Variants in PARD3B observed in about 807,000 individuals in gnomAD.
The protein encoded by PARD3B is partitioning defective 3 homolog B.
In PARD3B, 103 loss-of-function variants were observed where a neutral mutation model predicts 130.2. That is an observed-to-expected ratio of 0.79 (90% CI 0.67 to 0.93). PARD3B has a LOEUF of 0.93. PARD3B is among the 40% of genes least tolerant of loss of function. The pLI, the probability that PARD3B is intolerant of heterozygous loss-of-function variation, is 0.00. For missense variants in PARD3B, 1,609 were observed against 1,499.2 expected (o/e 1.07, Z -1.21); for synonymous variants, 583 against 553.2 (o/e 1.05, Z -0.76).
chr2:205,151,189 G>T (rs953172445), intron 10 of PARD3B, among the ~76,000 whole-genome samples: 1 of 152,138 alleles, frequency 6.6e-6, no homozygotes. Context: ...CAACTATGTG[G>T]TCAATTTTGG....
chr2:205,417,832 TCTGGAAG>T (rs2046832940), intron 19 of PARD3B, among the ~76,000 whole-genome samples: 1 of 152,320 alleles, frequency 6.6e-6, no homozygotes, highest in African/African-American at 2.4e-5. Context: ...TGGGGCCTCC[TCTGGAAG>T]CTGGCCTTCT....
At chr2:204,681,605 C>T (rs962632380) in intron 1 of PARD3B, among the ~76,000 whole-genome samples, 1 of 152,138 alleles carries the variant, frequency 6.6e-6, no homozygotes, top group African/African-American at 2.4e-5. Context: ...TTTCCTTTCA[C>T]GTGTCAGTGC....
chr2:204,886,163 A>G (rs1377182263), intron 2 of PARD3B, among the ~76,000 whole-genome samples: 1 of 152,232 alleles, frequency 6.6e-6, no homozygotes, highest in Non-Finnish European at 1.5e-5. Context: ...CAAAGAAGAA[A>G]AGACTCGGTC....
chr2:205,097,823 C>A (rs986785689), intron 4 of PARD3B, among the ~76,000 whole-genome samples: 1 of 66,942 alleles, frequency 1.5e-5, no homozygotes, highest in Non-Finnish European at 2.9e-5. Context: ...GGTGTAAAAT[C>A]TAGTGGCGTG....
chr2:205,536,228 T>C (rs956541366), intron 21 of PARD3B, among the ~76,000 whole-genome samples: 3 of 149,994 alleles, frequency 2.0e-5, no homozygotes, highest in Admixed American at 1.4e-4. Flanking sequence ...TTGTGTGCTA[T>C]TGGAAATGAT....
At chr2:205,209,851 GA>G (rs2037527316) in intron 15 of PARD3B, among the ~76,000 whole-genome samples, 1 of 151,988 alleles carries the variant, frequency 6.6e-6, no homozygotes, top group Non-Finnish European at 1.5e-5. Flanking sequence ...TAGTATGACA[GA>G]GTGACTATAG....
intron 1 of PARD3B, among the ~76,000 whole-genome samples, chr2:204,649,838 C>G (rs182872872): frequency 6.6e-6 from 1 of 152,188 alleles, no homozygotes; most frequent in African/African-American, 2.4e-5. Context: ...CAATACTGCT[C>G]TGGACTTAGG....
intron 2 of PARD3B, among the ~76,000 whole-genome samples, chr2:204,737,378 C>T (rs577861345): frequency 6.6e-6 from 1 of 152,194 alleles, no homozygotes; most frequent in South Asian, 2.1e-4. Context: ...TTTGACCATT[C>T]GTATGTCTTC....
rs1257098262 is a variant in PARD3B at position 204,943,797 on chromosome 2, C to A, written c.223-21355C>A. Among the ~76,000 whole-genome samples, 1 of 152,062 alleles carries A rather than the reference C, an allele frequency of 6.6e-6. No individual in the cohort carries two copies. Among genetic ancestry groups the A allele is most frequent in the East Asian group, 1.9e-4 (1 of 5,174 alleles). Reference sequence around the variant, plus strand: ...ATCCCTACATTGCCTTTCCTATCTGCCATGTGCAAATTAGGGAGACTGAGG... The same window carrying A: ...ATCCCTACATTGCCTTTCCTATCTGACATGTGCAAATTAGGGAGACTGAGG... On this transcript the variant is annotated intron_variant, in intron 2 of 22. Coordinates refer to ENST00000406610, the MANE Select transcript of PARD3B (RefSeq NM_001302769.2). This position sits in a 1 kb window ranked among gnomAD's most constrained non-coding sequence, Gnocchi z 4.2.
At chr2:204,564,431 T>C (rs985766706) in intron 1 of PARD3B, among the ~76,000 whole-genome samples, 16 of 152,190 alleles carry the variant, frequency 1.1e-4, no homozygotes, top group African/African-American at 3.9e-4. Flanking sequence ...GTAGTAGTTC[T>C]TAATTTGTTG....
chr2:205,389,880 TTTCA>T (rs1339615089), intron 18 of PARD3B, among the ~76,000 whole-genome samples: 15 of 152,214 alleles, frequency 9.9e-5, no homozygotes, highest in Non-Finnish European at 1.8e-4. Flanking sequence ...TGGGTTTAAA[TTTCA>T]TTCGAGGAAT....
In PARD3B at chr2:205,288,500, T is replaced by C. The variant is rs2041480718; in HGVS notation, c.2186-12030T>C. ...TCTTCCATATTATTTTTTCTCTGAA[T>C]ACCAATATCATCAAGCGTTTACTCT... On this transcript the variant is annotated intron_variant, in intron 16 of 22. Coordinates refer to ENST00000406610, the MANE Select transcript of PARD3B (RefSeq NM_001302769.2). This position sits in a 1 kb window ranked among gnomAD's most constrained non-coding sequence, Gnocchi z 4.0. Among the ~76,000 whole-genome samples, 1 of 152,228 alleles carries C rather than the reference T, an allele frequency of 6.6e-6. No homozygotes were observed. Among genetic ancestry groups the C allele is most frequent in the Non-Finnish European group, 1.5e-5 (1 of 68,040 alleles).
At chr2:205,314,198 AC>A (rs1158185311) in intron 18 of PARD3B, among the ~76,000 whole-genome samples, 1 of 152,172 alleles carries the variant, frequency 6.6e-6, no homozygotes, top group Non-Finnish European at 1.5e-5. Context: ...TTATCTGAGA[AC>A]TTCAATGTAA....
intron 19 of PARD3B, among the ~76,000 whole-genome samples, chr2:205,402,290 G>C (rs1053593878): frequency 1.3e-5 from 2 of 152,204 alleles, no homozygotes; most frequent in Non-Finnish European, 1.5e-5. Context: ...AGACATGAAA[G>C]ATATTCTCCG....
At chr2:205,423,534 A>G (rs562716374) in intron 19 of PARD3B, among the ~76,000 whole-genome samples, 153 of 152,346 alleles carry the variant, frequency 1.0e-3, no homozygotes, top group Non-Finnish European at 1.8e-3. Flanking sequence ...AATATTCTAT[A>G]TGGTTTCTCC....
intron 20 of PARD3B, among the ~76,000 whole-genome samples, chr2:205,474,608 C>T (rs1382692016): frequency 3.3e-5 from 5 of 151,974 alleles, no homozygotes; most frequent in African/African-American, 1.2e-4. Flanking sequence ...TATAAATTAC[C>T]CTCTGATAAG....
intron 2 of PARD3B, among the ~76,000 whole-genome samples, chr2:204,699,790 A>G (rs1309171095): frequency 6.6e-6 from 1 of 152,186 alleles, no homozygotes; most frequent in Admixed American, 6.6e-5. Context: ...AATGGAAATA[A>G]GGAAGTTAAG....
At chr2:205,295,001 G>A (rs1003582707) in intron 16 of PARD3B, among the ~76,000 whole-genome samples, 1 of 152,020 alleles carries the variant, frequency 6.6e-6, no homozygotes, top group African/African-American at 2.4e-5. Context: ...TGGATATTAT[G>A]GAGAATTTTT....
intron 18 of PARD3B, among the ~76,000 whole-genome samples, chr2:205,368,869 A>C (rs1159282204): frequency 1.3e-5 from 2 of 152,060 alleles, no homozygotes; most frequent in South Asian, 2.1e-4. Flanking sequence ...ACAAAAAAAA[A>C]AAAAACACCC....
Sources: gnomAD v4.1 joint callset for allele counts (sites outside exome capture counted in the v4.1 genomes callset) on GRCh38, gnomAD v4.1.1 for gene constraint, Gnocchi (gnomAD v3.1) non-coding constraint, MANE v1.5 for transcripts, NCBI Gene and HGNC (gene_info 2026-07-23, HGNC 2026-07-21) for gene names.